The following CUL4A variants were observed in gnomAD, a reference collection of about 807,000 sequenced individuals.
CUL4A encodes the protein cullin-4A.
CUL4A carries 16 observed loss-of-function variants against 95.5 expected under a neutral mutation model. That is an observed-to-expected ratio of 0.17 (90% confidence interval 0.11 to 0.25). The LOEUF (loss-of-function observed/expected upper bound fraction) is 0.25. CUL4A is among the 10% of genes least tolerant of loss of function. The pLI is 1.00. For missense variants in CUL4A, 610 were observed against 937.0 expected, an observed-to-expected ratio of 0.65 and a Z score of 4.56; for synonymous variants, 380 against 353.1, an observed-to-expected ratio of 1.08 and a Z score of -0.85.
Position 113,233,940 on chromosome 13 carries a change from A to G in CUL4A, c.719A>G (p.Asn240Ser). 6.2e-7 allele frequency: 1 copy of G among 1,612,172 alleles called. No individual in the cohort carries two copies. Among genetic ancestry groups the G allele is most frequent in the Non-Finnish European group, 8.5e-7 (1 of 1,178,518 alleles). The change falls in exon 7 of 20, where the codon AAT becomes AGT. Residue 240 changes from asparagine (N) to serine (S), a missense_variant. Around this residue, in one of 10 missense-constraint regions of CUL4A, gnomAD observed 97 missense variants for 100.3 expected, o/e 0.97. Transcript: ENST00000375440. The part of the protein sequence containing the change: ...SFELKFLEET[N>S]CLYAAEGQRL... ...GAACTGAAATTTTTGGAAGAGACTA[A>G]TTGCTTATATGCTGCCGAAGGCCAA...
In CUL4A at chr13:113,232,968, G is replaced by A. The variant is rs150627370; in HGVS notation, c.513-209G>A. On this transcript the variant is annotated intron_variant, in intron 5 of 19. Transcript: ENST00000375440. ...ATGACCTAGCAGCGTCTCCAGGAAC[G>A]TGGAGCAGCTCTGTTTAAGGAAGGA... Among the ~76,000 whole-genome samples, 284 of 152,246 alleles carry A rather than the reference G, an allele frequency of 1.9e-3. 1 individual carries two copies. The highest frequency in any genetic ancestry group is 6.4e-3 in the African/African-American group (265 of 41,544).
chr13:113,245,326 C>T, intron 14 of CUL4A, 89 bp downstream of exon 14: 1 of 1,168,592 alleles, frequency 8.6e-7, no homozygotes, highest in Non-Finnish European at 1.3e-6. Context: ...CTTTGGGAGG[C>T]AGAGGCAAGA....
chr13:113,237,028 G>A (rs2041567322), intron 9 of CUL4A, 138 bp downstream of exon 9: 2 of 601,976 alleles, frequency 3.3e-6, no homozygotes, highest in Non-Finnish European at 5.7e-6. Flanking sequence ...CTTTTCTAAT[G>A]AACATGTTAG....
chr13:113,227,628 G>C (rs557607821), intron 3 of CUL4A, among the ~76,000 whole-genome samples: 2 of 152,196 alleles, frequency 1.3e-5, no homozygotes, highest in African/African-American at 2.4e-5. Flanking sequence ...AATAATGGCC[G>C]GTTGCGGTGG....
intron 3 of CUL4A, among the ~76,000 whole-genome samples, chr13:113,226,621 C>T (rs2139151460): frequency 1.3e-5 from 2 of 152,302 alleles, no homozygotes; most frequent in Middle Eastern, 6.8e-3. Flanking sequence ...TAAAAATACA[C>T]ATTCTAAGAG....
intron 18 of CUL4A, among the ~76,000 whole-genome samples, chr13:113,255,999 A>G (rs1371040821): frequency 3.3e-5 from 5 of 152,160 alleles, no homozygotes; most frequent in Non-Finnish European, 5.9e-5. Context: ...TTGTGGTCAC[A>G]GCCTTTTTCT....
At position 113,233,253 on chromosome 13, in the gene CUL4A, C is replaced by A; in HGVS notation, c.589C>A (p.Leu197Ile). The A allele has an allele frequency of 6.2e-7, 1 of 1,614,074 alleles. No individual in the cohort carries two copies. Among genetic ancestry groups the A allele is most frequent in the Non-Finnish European group, 8.5e-7 (1 of 1,180,022 alleles). The change falls in exon 6 of 20, where the codon CTA becomes ATA. Residue 197 changes from leucine to isoleucine, a missense_variant. By Grantham distance (5) the Leu-to-Ile change is conservative (BLOSUM62 2). Transcript: ENST00000375440. ...MVQSKTIDGI[L>I]LLIERERSGE... ...TCAGAGTAAAACCATTGATGGAATCCTACTGCTGATCGAGCGCGAGAGGAG... is the reference window on the plus strand; with the variant it reads ...TCAGAGTAAAACCATTGATGGAATCATACTGCTGATCGAGCGCGAGAGGAG...
chr13:113,208,734 C>A (rs1245481955), upstream of CUL4A: 1 of 1,490,180 alleles, frequency 6.7e-7, no homozygotes, highest in Non-Finnish European at 9.0e-7. Context: ...GCGCCCCCGG[C>A]CCCGCCGCGG....
chr13:113,226,231 G>C (rs2041100329), intron 3 of CUL4A, among the ~76,000 whole-genome samples: 1 of 152,218 alleles, frequency 6.6e-6, no homozygotes, highest in Non-Finnish European at 1.5e-5. Flanking sequence ...TGTGTGTGAG[G>C]ATGTTGTCAC....
At chr13:113,236,755 T>C (rs2041558688) in intron 8 of CUL4A, 68 bp from the exon 9 acceptor site, 3 of 1,041,462 alleles carry the variant, frequency 2.9e-6, no homozygotes, top group African/African-American at 3.2e-5. Flanking sequence ...AATGCCCCCA[T>C]CTTTTGCAGA....
chr13:113,209,318 G>C (rs932204861), upstream of CUL4A, among the ~76,000 whole-genome samples: 4 of 145,772 alleles, frequency 2.7e-5, no homozygotes, highest in Non-Finnish European at 6.1e-5. Flanking sequence ...GCAGGGTCTC[G>C]GTGCGCCCCC....
In CUL4A at chr13:113,263,888, T is replaced by A. The variant is rs2042352177; in HGVS notation, c.*306T>A. The stretch of plus-strand genomic sequence containing the variant: ...GAGAAGTTCCTTTAAAAGGTCTTGT[T>A]CTTGTGTCAAAAAGCTGCAAGTTTG... On this transcript the variant is annotated 3_prime_UTR_variant, in exon 20 of 20. Coordinates refer to ENST00000375440, the MANE Select transcript of CUL4A (RefSeq NM_001008895.4). The A allele has an allele frequency of 4.4e-6, 1 of 226,036 alleles. No individual in the cohort carries two copies. The highest frequency in any genetic ancestry group is 8.5e-6 in the Non-Finnish European group (1 of 117,078). The allele number at this position is 226,036 out of a possible 1,614,324, so 14.0% of individuals were successfully genotyped here.
intron 3 of CUL4A, among the ~76,000 whole-genome samples, chr13:113,222,260 C>G (rs983759815): frequency 2.6e-5 from 4 of 152,132 alleles, no homozygotes; most frequent in African/African-American, 9.7e-5. Flanking sequence ...CACAGCATGG[C>G]TGGGTTATGT....
intron 18 of CUL4A, among the ~76,000 whole-genome samples, chr13:113,256,219 C>T (rs1685397466): frequency 1.3e-5 from 2 of 152,242 alleles, no homozygotes; most frequent in South Asian, 4.1e-4. Flanking sequence ...TTCCTGTAGC[C>T]AGTTTTCGTT....
chr13:113,212,394 C>T (rs1595340124), intron 2 of CUL4A, among the ~76,000 whole-genome samples: 2 of 152,338 alleles, frequency 1.3e-5, no homozygotes, highest in South Asian at 2.1e-4. Context: ...AAAGTTTTCT[C>T]TTATACTTTC....
intron 10 of CUL4A, among the ~76,000 whole-genome samples, chr13:113,240,000 C>A (rs577214511): frequency 9.2e-5 from 14 of 152,318 alleles, no homozygotes; most frequent in African/African-American, 3.4e-4. Context: ...GGATTTATTA[C>A]TTAAACTTTC....
At chr13:113,234,347 C>G (rs1424132264) in intron 7 of CUL4A, among the ~76,000 whole-genome samples, 2 of 151,956 alleles carry the variant, frequency 1.3e-5, no homozygotes, top group Non-Finnish European at 2.9e-5. Flanking sequence ...AAAAAATTTT[C>G]CCAAAAAAAG....
At chr13:113,213,897 C>G (rs973533302) in intron 2 of CUL4A, among the ~76,000 whole-genome samples, 1 of 152,238 alleles carries the variant, frequency 6.6e-6, no homozygotes, top group Non-Finnish European at 1.5e-5. Context: ...GGCTTCTGGC[C>G]TCTCACAGAG....
intron 15 of CUL4A, among the ~76,000 whole-genome samples, chr13:113,248,046 A>G (rs1400756101): frequency 1.3e-5 from 2 of 151,954 alleles, no homozygotes; most frequent in Non-Finnish European, 2.9e-5. Flanking sequence ...CACGTGCCCC[A>G]GTGTCTTGGT....
Sources: gnomAD v4.1 joint callset for allele counts (sites outside exome capture counted in the v4.1 genomes callset) on GRCh38, gnomAD v4.1.1 for gene constraint, gnomAD v4.1.1 regional missense constraint, MANE v1.5 for transcripts, NCBI Gene and HGNC (gene_info 2026-07-23, HGNC 2026-07-21) for gene names.